The following PRDM10 variants were observed in gnomAD, a reference collection of about 807,000 sequenced individuals.
PRDM10 encodes PR domain zinc finger protein 10.
A neutral mutation model predicts 133.1 loss-of-function variants in PRDM10; 65 were observed. The observed-to-expected ratio is 0.49, with a 90% CI of 0.40 to 0.60. The LOEUF is 0.60. Among genes scored for constraint, PRDM10 ranks in the 20% least tolerant of loss-of-function variants. The pLI, the probability that PRDM10 is intolerant of heterozygous loss-of-function variation, is 0.00. For missense variants in PRDM10, 1,137 were observed against 1,507.1 expected, an observed-to-expected ratio of 0.75 and a Z score of 4.07; for synonymous variants, 582 against 580.4, an observed-to-expected ratio of 1.00 and a Z score of -0.04.
chr11:129,973,442 A>C (rs377587597), intron 1 of PRDM10, among the ~76,000 whole-genome samples: 4 of 152,220 alleles, frequency 2.6e-5, no homozygotes, highest in African/African-American at 9.6e-5. Flanking sequence ...GACAACTTAG[A>C]TATGAATTAA....
intron 13 of PRDM10, among the ~76,000 whole-genome samples, chr11:129,921,817 C>T (rs1210393140): frequency 1.3e-5 from 2 of 152,196 alleles, no homozygotes; most frequent in East Asian, 3.8e-4. Context: ...TGGGTCCCTA[C>T]TTATCCTCTC....
Position 129,918,947 on chromosome 11 carries a change from T to C in PRDM10, c.2035-229A>G, listed in dbSNP as rs1950439721. ...ACCTTGGTTTAAAATGACCATTAAATAGGAAAGATACATACCGACTTTTGA... is the reference window on the plus strand; with the variant it reads ...ACCTTGGTTTAAAATGACCATTAAACAGGAAAGATACATACCGACTTTTGA... On this transcript the variant is annotated intron_variant, in intron 13 of 20. Transcript: ENST00000360871. This position sits in a 1 kb window ranked among gnomAD's most constrained non-coding sequence, Gnocchi z 5.3. Among the ~76,000 whole-genome samples the C allele has an allele frequency of 2.0e-5, 3 of 152,168 alleles. No homozygotes were observed. The highest frequency in any genetic ancestry group is 1.3e-4 in the Admixed American group (2 of 15,266).
chr11:129,910,095 G>C (rs756517474), intron 19 of PRDM10, among the ~76,000 whole-genome samples: 17 of 152,200 alleles, frequency 1.1e-4, no homozygotes, highest in Admixed American at 6.5e-5. Context: ...ATTATTGTGT[G>C]GTGTTACCGA....
chr11:129,953,383 T>C (rs141383921), intron 4 of PRDM10, among the ~76,000 whole-genome samples: 13,310 of 150,860 alleles, frequency 0.088, 815 homozygotes, highest in African/African-American at 0.16. Flanking sequence ...AACCTCCAAC[T>C]CCCTGGTTCA....
intron 4 of PRDM10, among the ~76,000 whole-genome samples, chr11:129,951,142 A>G (rs574569719): frequency 6.6e-6 from 1 of 152,320 alleles, no homozygotes; most frequent in Non-Finnish European, 1.5e-5. Context: ...CTTAACACAC[A>G]ACAGGCATGC....
chr11:129,942,407 G>A lies in PRDM10; in HGVS notation c.966+19C>T, dbSNP rs183069426. ...CACTCTTGCTAGCAAATAGCAGCACGGGTCAGGCAGCACTGTACCTTCAGT... is the reference window on the plus strand; with the variant it reads ...CACTCTTGCTAGCAAATAGCAGCACAGGTCAGGCAGCACTGTACCTTCAGT... On this transcript the variant is annotated intron_variant, in intron 7 of 20. Transcript: ENST00000360871. 88 of 1,599,178 alleles carry A rather than the reference G, an allele frequency of 5.5e-5. No individual in the cohort carries two copies. In the African/African-American group the frequency reaches 9.9e-4, roughly 18 times the overall value.
At chr11:129,985,793 AAAAAAAAAAAAAAAAAAT>A (rs1242898926) in intron 1 of PRDM10, among the ~76,000 whole-genome samples, 6 of 121,192 alleles carry the variant, frequency 5.0e-5, no homozygotes, top group South Asian at 2.4e-4. Flanking sequence ...AAAAAAAAAA[AAAAAAAAAAAAAAAAAAT>A]ATATATATAT....
chr11:129,969,673 G>T (rs1171245699), intron 1 of PRDM10, among the ~76,000 whole-genome samples: 1 of 151,784 alleles, frequency 6.6e-6, no homozygotes, highest in Non-Finnish European at 1.5e-5. Context: ...CGGGCGTGGT[G>T]GTGCGTGCCT....
At chr11:129,955,950 G>C (rs1951688051) in intron 3 of PRDM10, among the ~76,000 whole-genome samples, 2 of 152,182 alleles carry the variant, frequency 1.3e-5, no homozygotes, top group South Asian at 4.1e-4. Flanking sequence ...GAGTAGACTT[G>C]TGATGAAATG....
intron 1 of PRDM10, among the ~76,000 whole-genome samples, chr11:130,002,426 C>G (rs1021859122): frequency 1.5e-4 from 23 of 152,120 alleles, no homozygotes; most frequent in Admixed American, 5.2e-4. Flanking sequence ...GGGCCTTGCC[C>G]TCTTCCCCTT....
intron 1 of PRDM10, among the ~76,000 whole-genome samples, chr11:129,993,425 T>C (rs1302931201): frequency 6.6e-6 from 1 of 152,176 alleles, no homozygotes; most frequent in Non-Finnish European, 1.5e-5. Context: ...ATAATACTGT[T>C]TCTGGACTCC....
chr11:129,971,276 G>A (rs1030513387), intron 1 of PRDM10, among the ~76,000 whole-genome samples: 2 of 152,170 alleles, frequency 1.3e-5, no homozygotes. Context: ...CGCTAGCTCG[G>A]GCAGCCTGCT....
intron 4 of PRDM10, among the ~76,000 whole-genome samples, chr11:129,951,321 T>C (rs538993199): frequency 2.4e-4 from 37 of 152,304 alleles, no homozygotes. Context: ...ACGATGGCCC[T>C]ATGGAATTCA....
chr11:129,977,767 C>A (rs1937867651), intron 1 of PRDM10, among the ~76,000 whole-genome samples: 1 of 152,090 alleles, frequency 6.6e-6, no homozygotes, highest in Admixed American at 6.6e-5. Flanking sequence ...CCAGCCTGAA[C>A]AACATGGGGA....
At chr11:129,905,891 C>T (rs1404340229) in intron 19 of PRDM10, 150 bp from the exon 20 acceptor site, 1 of 700,600 alleles carries the variant, frequency 1.4e-6, no homozygotes, top group Non-Finnish European at 2.5e-6. Context: ...GTGAAAGCAT[C>T]TCTGCTACGA....
intron 19 of PRDM10, among the ~76,000 whole-genome samples, chr11:129,907,145 G>A (rs976683679): frequency 1.3e-5 from 2 of 152,110 alleles, no homozygotes; most frequent in South Asian, 4.2e-4. Flanking sequence ...GTATCAGGAG[G>A]AAAAAAACAA....
chr11:129,922,581 TGA>T (rs537716538), intron 13 of PRDM10, among the ~76,000 whole-genome samples: 134 of 152,370 alleles, frequency 8.8e-4, no homozygotes, highest in African/African-American at 3.2e-3. Context: ...CCAGTTTCTA[TGA>T]GAGTGTGACC....
chr11:129,989,232 G>A (rs1720531720), intron 1 of PRDM10, among the ~76,000 whole-genome samples: 1 of 152,084 alleles, frequency 6.6e-6, no homozygotes, highest in African/African-American at 2.4e-5. Context: ...TTTAAGCCCA[G>A]GAGTTCGAGG....
chr11:129,989,845 C>A (rs150267412), intron 1 of PRDM10, among the ~76,000 whole-genome samples: 1 of 152,154 alleles, frequency 6.6e-6, no homozygotes, highest in Admixed American at 6.6e-5. Context: ...GTTCACTCTA[C>A]GACTCCTGAA....
Sources: allele counts gnomAD v4.1 joint callset (sites outside exome capture counted in the v4.1 genomes callset), GRCh38; gene constraint gnomAD v4.1.1; non-coding constraint Gnocchi (gnomAD v3.1); transcripts MANE v1.5; gene names NCBI Gene and HGNC (gene_info 2026-07-23, HGNC 2026-07-21).